The following ITGA9 variants were observed in gnomAD, a reference collection of about 807,000 sequenced individuals.
The protein encoded by ITGA9 is integrin subunit alpha 9.
Under a neutral mutation model 127.8 loss-of-function variants are expected in ITGA9, and 56 were observed. The ratio of observed to expected loss-of-function variants is 0.44; its 90% confidence interval spans 0.35 to 0.55. The LOEUF is 0.55. Among genes scored for constraint, ITGA9 ranks in the 20% least tolerant of loss-of-function variants. The probability of loss-of-function intolerance (pLI) is 0.00; values close to 1 mark genes in which losing one functional copy is unlikely to be tolerated. For missense variants in ITGA9, 1,196 were observed against 1,347.1 expected, an observed-to-expected ratio of 0.89 and a Z score of 1.76; for synonymous variants, 508 against 514.5, an observed-to-expected ratio of 0.99 and a Z score of 0.17.
Position 37,533,338 on chromosome 3 carries a change from T to G in ITGA9, c.1398T>G (p.Asp466Glu). 1 of 1,614,232 alleles carries G rather than the reference T, an allele frequency of 6.2e-7. No individual in the cohort carries two copies. The highest frequency in any genetic ancestry group is 8.5e-7 in the Non-Finnish European group (1 of 1,180,046). ...LLRARPVITV[D>E]VSIFLPGSIN... ...GAGCAAGGCCTGTCATTACGGTGGA[T>G]GTCTCCATCTTCCTCCCGGGCTCCA... Residue 466 changes from aspartate (D) to glutamate (E), a missense_variant, in exon 14 of 28, where the codon GAT (aspartate) becomes GAG (glutamate). Physicochemically the swap from Asp to Glu is conservative, Grantham distance 45. Coordinates refer to ENST00000264741, the MANE Select transcript of ITGA9 (RefSeq NM_002207.3).
At position 37,612,347 on chromosome 3, in the gene ITGA9, A is replaced by G. The variant is rs1238136759; in HGVS notation, c.1690-16840A>G. ...GGAGTTATCAAAATTTTTAAAGACC[A>G]CTTTATGATATAATAATATACCAGC... On this transcript the variant is annotated intron_variant, in intron 15 of 27. Transcript: ENST00000264741. 3.3e-5 allele frequency among the ~76,000 whole-genome samples: 5 copies of G among 152,218 alleles called. No homozygotes were observed. In the East Asian group the frequency reaches 9.6e-4, roughly 29 times the overall value.
chr3:37,499,359 A>G (rs1698765563), intron 5 of ITGA9, among the ~76,000 whole-genome samples: 1 of 152,222 alleles, frequency 6.6e-6, no homozygotes, highest in African/African-American at 2.4e-5. Flanking sequence ...CACAGAGGAA[A>G]TATATGGCTT....
At chr3:37,618,746 T>C (rs562502814) in intron 15 of ITGA9, among the ~76,000 whole-genome samples, 43 of 152,226 alleles carry the variant, frequency 2.8e-4, no homozygotes, top group Non-Finnish European at 4.6e-4. Flanking sequence ...TCCGTGGGCG[T>C]AGGACTCTCC....
intron 3 of ITGA9, among the ~76,000 whole-genome samples, chr3:37,475,653 A>G (rs1698486133): frequency 6.6e-6 from 1 of 152,180 alleles, no homozygotes; most frequent in Non-Finnish European, 1.5e-5. Context: ...GCCACTGTAT[A>G]TGGGTGCTGG....
intron 25 of ITGA9, among the ~76,000 whole-genome samples, chr3:37,780,572 A>T (rs1696964863): frequency 6.6e-6 from 1 of 152,066 alleles, no homozygotes; most frequent in African/African-American, 2.4e-5. Context: ...ATAACCAGTC[A>T]TCCATTCATG....
intron 23 of ITGA9, among the ~76,000 whole-genome samples, chr3:37,762,555 A>G (rs1206684352): frequency 1.3e-5 from 2 of 152,190 alleles, no homozygotes; most frequent in Non-Finnish European, 2.9e-5. Context: ...TAAAGGTGTC[A>G]GACTCAATCT....
intron 18 of ITGA9, among the ~76,000 whole-genome samples, chr3:37,694,647 A>G (rs1418837433): frequency 1.3e-5 from 2 of 152,214 alleles, no homozygotes; most frequent in Non-Finnish European, 2.9e-5. Context: ...CCAGAGCCGC[A>G]AGACTTGAGT....
chr3:37,602,746 C>T (rs1981336), intron 15 of ITGA9, among the ~76,000 whole-genome samples: 80,068 of 151,944 alleles, frequency 0.53, 21,654 homozygotes, highest in East Asian at 0.61. Context: ...TTAGGTGTTT[C>T]GTATACATTA....
intron 9 of ITGA9, 130 bp from the exon 10 acceptor site, chr3:37,517,374 C>A: frequency 1.3e-6 from 1 of 753,838 alleles, no homozygotes; most frequent in Non-Finnish European, 2.3e-6. Context: ...GTAATTCTGC[C>A]CAGGTGTTTC....
At chr3:37,810,882 C>T (rs1697361196) in intron 27 of ITGA9, among the ~76,000 whole-genome samples, 1 of 152,242 alleles carries the variant, frequency 6.6e-6, no homozygotes, top group South Asian at 2.1e-4. Context: ...ATCGTGTCAG[C>T]AAGTGTCTTT....
chr3:37,470,676 A>T (rs1419335581), intron 1 of ITGA9, among the ~76,000 whole-genome samples: 4 of 150,614 alleles, frequency 2.7e-5, no homozygotes, highest in Admixed American at 2.0e-4. Flanking sequence ...TTGCCTGGCC[A>T]TTTTTTTTTG....
At chr3:37,531,087 C>G (rs991780249) in intron 13 of ITGA9, among the ~76,000 whole-genome samples, 1 of 151,880 alleles carries the variant, frequency 6.6e-6, no homozygotes, top group South Asian at 2.1e-4. Context: ...GCACTGAAAG[C>G]GCTTGTGGTG....
intron 8 of ITGA9, among the ~76,000 whole-genome samples, chr3:37,511,574 T>A (rs898144074): frequency 9.2e-5 from 14 of 152,248 alleles, no homozygotes; most frequent in African/African-American, 3.4e-4. Context: ...GGTCTTTGCC[T>A]GTGTCTTACT....
At chr3:37,750,410 G>A in intron 22 of ITGA9, 52 bp from the exon 23 acceptor site, 2 of 1,010,808 alleles carry the variant, frequency 2.0e-6, no homozygotes, top group Non-Finnish European at 3.2e-6. Context: ...GACAGGAAAT[G>A]GAGGTCTGCT....
At chr3:37,747,115 T>A (rs577782349) in intron 22 of ITGA9, among the ~76,000 whole-genome samples, 95 of 152,320 alleles carry the variant, frequency 6.2e-4, no homozygotes, top group African/African-American at 2.2e-3. Flanking sequence ...CTCATCTTTT[T>A]AAAAATAACA....
Position 37,543,057 on chromosome 3 carries a change from A to G in ITGA9, c.1689+472A>G, listed in dbSNP as rs191034169. On this transcript the variant is annotated intron_variant, in intron 15 of 27. Transcript: ENST00000264741. Reference sequence around the variant, plus strand: ...GATTCTTCCCCCTTGACTACTTTCTATTTATTTTAGGATGCATTTTTTGGC... The same window carrying G: ...GATTCTTCCCCCTTGACTACTTTCTGTTTATTTTAGGATGCATTTTTTGGC... Among the ~76,000 whole-genome samples the G allele has an allele frequency of 7.2e-5, 11 of 152,068 alleles. No individual in the cohort carries two copies. The South Asian group carries it at 1.7e-3, about 23-fold the overall frequency.
At chr3:37,815,961 T>G (rs79573213) in intron 27 of ITGA9, among the ~76,000 whole-genome samples, 2,292 of 152,104 alleles carry the variant, frequency 0.015, 23 homozygotes, top group Middle Eastern at 0.031. Flanking sequence ...TAGGCATTTG[T>G]GTGGAAGCAG....
chr3:37,494,410 G>A, intron 4 of ITGA9, 91 bp from the exon 5 acceptor site: 1 of 902,816 alleles, frequency 1.1e-6, no homozygotes, highest in South Asian at 1.4e-5. Flanking sequence ...GGCACTCGTG[G>A]GAAGTGGCTG....
chr3:37,727,394 A>C (rs912445370), intron 18 of ITGA9, among the ~76,000 whole-genome samples: 21 of 152,240 alleles, frequency 1.4e-4, no homozygotes, highest in African/African-American at 4.1e-4. Context: ...AGTTATGTGA[A>C]TCCTCTTAAA....
Sources: gnomAD v4.1 joint callset for allele counts (sites outside exome capture counted in the v4.1 genomes callset) on GRCh38, gnomAD v4.1.1 for gene constraint, MANE v1.5 for transcripts, NCBI Gene and HGNC (gene_info 2026-07-23, HGNC 2026-07-21) for gene names.